COL3A1: variants seen among roughly 807,000 people sequenced by gnomAD.
COL3A1 encodes collagen alpha-1(III) chain.
A neutral mutation model predicts 200.9 loss-of-function variants in COL3A1; 46 were observed. The observed-to-expected ratio is 0.23, with a 90% CI of 0.18 to 0.29. COL3A1 has a LOEUF of 0.29. COL3A1 is among the 10% of genes least tolerant of loss of function. The probability of loss-of-function intolerance (pLI) is 1.00; values close to 1 mark genes in which losing one functional copy is unlikely to be tolerated. For missense variants in COL3A1, 1,367 were observed against 1,917.6 expected (o/e 0.71, Z 5.36); for synonymous variants, 650 against 628.0 (o/e 1.03, Z -0.52).
chr2:188,996,113 T>A lies in COL3A1; in HGVS notation c.1609-12T>A. The stretch of plus-strand genomic sequence containing the variant: ...ATTTTAAATCACCTAACAACTGACT[T>A]CTTTACTTCAGGGCATGCCCGGAAG... On this transcript the variant is annotated splice_polypyrimidine_tract_variant and intron_variant, in intron 22 of 50. Coordinates refer to ENST00000304636, the MANE Select transcript of COL3A1 (RefSeq NM_000090.4). The A allele has an allele frequency of 6.2e-7, 1 of 1,612,992 alleles. No individual in the cohort carries two copies. The highest frequency in any genetic ancestry group is 8.5e-7 in the Non-Finnish European group (1 of 1,179,248).
At position 188,985,035 on chromosome 2, in the gene COL3A1, G is replaced by C. The variant is rs574214165; in HGVS notation, c.282+73G>C. 7 of 1,485,198 alleles carry C rather than the reference G, an allele frequency of 4.7e-6. No individual in the cohort carries two copies. In the East Asian group the frequency reaches 9.3e-5, roughly 20 times the overall value. The allele number at this position is 1,485,198 out of a possible 1,614,324, so 92.0% of individuals were successfully genotyped here. On this transcript the variant is annotated intron_variant, in intron 2 of 50. Coordinates refer to ENST00000304636, the MANE Select transcript of COL3A1 (RefSeq NM_000090.4). ...CATGAATAGCTCCTATATCATAGGA[G>C]CCTAAAAGGGAATGAAAGTCATGTT...
In COL3A1 at chr2:188,985,257, C is replaced by T. The variant is rs1688041513; in HGVS notation, c.333+10C>T. 2.5e-6 allele frequency: 4 copies of T among 1,601,264 alleles called. No homozygotes were observed. The highest frequency in any genetic ancestry group is 2.2e-5 in the East Asian group (1 of 44,784). ...CCCCAAGGGAGATCCAGTAAGTAAA[C>T]ATTCTTCAGTAGAATAAAATTAATA... On this transcript the variant is annotated intron_variant, in intron 3 of 50. Coordinates refer to ENST00000304636, the MANE Select transcript of COL3A1 (RefSeq NM_000090.4).
In COL3A1 at chr2:189,003,987, C is replaced by A. The variant is rs764653946; in HGVS notation, c.2667C>A (p.Asn889Lys). Residue 889 changes from asparagine (N) to lysine (K), a missense_variant, in exon 39 of 51, where the codon AAC becomes AAA. Asn to Lys is a moderately conservative substitution (Grantham distance 94). This residue lies in a region of COL3A1 where 846 missense variants were observed against 1,147.9 expected (regional missense o/e 0.74). Coordinates refer to ENST00000304636, the MANE Select transcript of COL3A1 (RefSeq NM_000090.4). The stretch of plus-strand genomic sequence containing the variant: ...TTTCAAACAATTATTTGTAGGGTAA[C>A]CCAGGACCCCCAGGTCCCAGCGGTT... ...GLPGPPGSNGNPGPPGPSGSP... is the reference protein window; with the variant it reads ...GLPGPPGSNGKPGPPGPSGSP... 3 of 1,610,372 alleles carry A rather than the reference C, an allele frequency of 1.9e-6. No homozygotes were observed. Among genetic ancestry groups the A allele is most frequent in the South Asian group, 1.1e-5 (1 of 90,632 alleles).
At chr2:189,008,530 T>C (rs1688647449) in intron 47 of COL3A1, 1 of 391,400 alleles carries the variant, frequency 2.6e-6, no homozygotes, top group Non-Finnish European at 4.7e-6. Context: ...GATACTATCA[T>C]TCCTAATACT....
Position 189,001,384 on chromosome 2 carries a change from T to G in COL3A1, c.2284-13T>G, listed in dbSNP as rs1688458296. ...GTATCTTCAAAATTAAAAAATATTT[T>G]TATTTCCTCTAGGGTCCTACTGGTC... On this transcript the variant is annotated splice_polypyrimidine_tract_variant and intron_variant, in intron 32 of 50. Coordinates refer to ENST00000304636, the MANE Select transcript of COL3A1 (RefSeq NM_000090.4). The G allele has an allele frequency of 5.6e-6, 9 of 1,612,082 alleles. No homozygotes were observed. The highest frequency in any genetic ancestry group is 7.6e-6 in the Non-Finnish European group (9 of 1,178,510).
chr2:189,008,932 A>G lies in COL3A1; in HGVS notation c.3534A>G (p.Pro1178=). The G allele has an allele frequency of 6.2e-7, 1 of 1,613,912 alleles. No individual in the cohort carries two copies. The highest frequency in any genetic ancestry group is 8.5e-7 in the Non-Finnish European group (1 of 1,179,998). ...TGTTTTACTCATTCTAGGGCTCCCC[A>G]GGCCACCCAGGGCAACCAGGCCCTC... The part of the protein sequence containing the change: ...NRGERGSEGS[P]GHPGQPGPPG... Residue 1178 remains proline (P), a synonymous_variant, in exon 48 of 51, where the codon CCA becomes CCG. Coordinates refer to ENST00000304636, the MANE Select transcript of COL3A1 (RefSeq NM_000090.4).
chr2:189,008,183 A>C, intron 47 of COL3A1, 41 bp downstream of exon 47: 1 of 1,529,702 alleles, frequency 6.5e-7, no homozygotes, highest in Non-Finnish European at 9.0e-7. Context: ...AATTTGCTAC[A>C]ATCTTCCAAT....
At chr2:189,000,737 G>A (rs1299996839) in intron 32 of COL3A1, among the ~76,000 whole-genome samples, 2 of 152,162 alleles carry the variant, frequency 1.3e-5, no homozygotes, top group Non-Finnish European at 2.9e-5. Flanking sequence ...GACGCTGGGA[G>A]AAAAGTGCAC....
At chr2:189,011,442 T>C (rs1243962753) in intron 50 of COL3A1, among the ~76,000 whole-genome samples, 186 bp from the exon 51 acceptor site, 1 of 152,216 alleles carries the variant, frequency 6.6e-6, no homozygotes, top group Non-Finnish European at 1.5e-5. Context: ...AGGCATTTGT[T>C]TAAGAATATT....
At chr2:188,982,064 T>C (rs2153501040) in intron 1 of COL3A1, among the ~76,000 whole-genome samples, 1 of 151,728 alleles carries the variant, frequency 6.6e-6, no homozygotes, top group South Asian at 2.1e-4. Context: ...TTTTTTTTAC[T>C]TAAAACAATA....
At chr2:188,999,965 TTA>T in intron 32 of COL3A1, 70 bp downstream of exon 32, 1 of 1,493,802 alleles carries the variant, frequency 6.7e-7, no homozygotes. Flanking sequence ...CACTTCAACT[TTA>T]ATTTTTTCCA....
Position 188,985,209 on chromosome 2 carries a change from C to T in COL3A1, c.295C>T (p.Pro99Ser), listed in dbSNP as rs1385617008. Residue 99 changes from proline to serine, a missense_variant, in exon 3 of 51, where the codon CCT becomes TCT. By Grantham distance (74) the Pro-to-Ser change is moderately conservative. Transcript: ENST00000304636. ...TTCCATTTATTAGCCTACTCGCCCT[C>T]CTAATGGTCAAGGACCTCAAGGCCC... ...PQPPTAPTRP[P>S]NGQGPQGPKG... 3 of 1,612,402 alleles carry T rather than the reference C, an allele frequency of 1.9e-6. No individual in the cohort carries two copies. Among genetic ancestry groups the T allele is most frequent in the African/African-American group, 1.3e-5 (1 of 74,832 alleles).
rs1333421028 is a variant in COL3A1 at position 188,990,129 on chromosome 2, C to T, written c.724C>T (p.Arg242Ter). 2 of 1,613,514 alleles carry T rather than the reference C, an allele frequency of 1.2e-6. No homozygotes were observed. The stretch of plus-strand genomic sequence containing the variant: ...AGGTAGACCCGGACGACCTGGAGAG[C>T]GAGGATTGCCTGGACCTCCAGTGAG... ...ESGRPGRPGE[R>*]GLPGPPGIKG... The change falls in exon 9 of 51, where the codon CGA becomes TGA. Residue 242 changes from arginine (R) to a stop codon, truncating the protein, a stop_gained. Coordinates refer to ENST00000304636, the MANE Select transcript of COL3A1 (RefSeq NM_000090.4). LOFTEE classifies it high-confidence loss of function.
Position 189,010,211 on chromosome 2 carries a change from A to G in COL3A1, c.3857A>G (p.Lys1286Arg). The G allele has an allele frequency of 1.2e-6, 2 of 1,614,146 alleles. No individual in the cohort carries two copies. The highest frequency in any genetic ancestry group is 2.7e-5 in the African/African-American group (2 of 75,044). Residue 1286 changes from lysine to arginine, a missense_variant, in exon 49 of 51, where the codon AAA (lysine) becomes AGA (arginine). Lys to Arg is a conservative substitution (Grantham distance 26, BLOSUM62 2). This residue lies in a region of COL3A1 where 846 missense variants were observed against 1,147.9 expected (regional missense o/e 0.74). Coordinates refer to ENST00000304636, the MANE Select transcript of COL3A1 (RefSeq NM_000090.4). ...TGGGTTGACCCTAACCAAGGATGCA[A>G]ATTGGATGCTATCAAGGTATTCTGT... ...EYWVDPNQGC[K>R]LDAIKVFCNM...
At chr2:188,985,037 C>A in intron 2 of COL3A1, 75 bp downstream of exon 2, 1 of 1,449,516 alleles carries the variant, frequency 6.9e-7, no homozygotes, top group Non-Finnish European at 9.6e-7. Context: ...TCATAGGAGC[C>A]TAAAAGGGAA....
rs1688691735 is a variant in COL3A1 at position 189,010,260 on chromosome 2, C to T, written c.3906C>T (p.Cys1302=). The T allele has an allele frequency of 1.9e-6, 3 of 1,614,042 alleles. No homozygotes were observed. Among genetic ancestry groups the T allele is most frequent in the South Asian group, 1.1e-5 (1 of 91,090 alleles). ...VFCNMETGET[C]ISANPLNVPR... The stretch of plus-strand genomic sequence containing the variant: ...GTAATATGGAAACTGGGGAAACATG[C>T]ATAAGTGCCAATCCTTTGAATGTTC... Residue 1302 remains cysteine, a synonymous_variant, in exon 49 of 51, where the codon TGC becomes TGT. Coordinates refer to ENST00000304636, the MANE Select transcript of COL3A1 (RefSeq NM_000090.4).
Position 189,001,457 on chromosome 2 carries a change from C to A in COL3A1, c.2337+7C>A, listed in dbSNP as rs1060503874. 2 of 1,614,050 alleles carry A rather than the reference C, an allele frequency of 1.2e-6. No individual in the cohort carries two copies. ...TGGCCAGCCTGGAGATAAGGTAACC[C>A]TTAATACTACCTGGATATAAAAAGA... is the stretch of plus-strand genomic sequence containing the variant. On this transcript the variant is annotated splice_region_variant and intron_variant, in intron 33 of 50. Coordinates refer to ENST00000304636, the MANE Select transcript of COL3A1 (RefSeq NM_000090.4).
In COL3A1 at chr2:188,998,705, C is replaced by G; in HGVS notation, c.2009C>G (p.Ala670Gly). ...GPKGDAGAPG[A>G]PGGKGDAGAP... ...AAGGGTGATGCCGGTGCACCTGGAG[C>G]TCCAGGAGGCAAGGTAGTATTTCAA... Residue 670 changes from alanine to glycine, a missense_variant, in exon 29 of 51, where the codon GCT (alanine) becomes GGT (glycine). By Grantham distance (60) the Ala-to-Gly change is moderately conservative (BLOSUM62 0). Transcript: ENST00000304636. 6.2e-7 allele frequency: 1 copy of G among 1,613,834 alleles called. No individual in the cohort carries two copies. Among genetic ancestry groups the G allele is most frequent in the South Asian group, 1.1e-5 (1 of 91,060 alleles).
At chr2:189,008,744 G>T in intron 47 of COL3A1, 180 bp from the exon 48 acceptor site, 1 of 646,580 alleles carries the variant, frequency 1.5e-6, no homozygotes, top group Non-Finnish European at 2.7e-6. Context: ...ATAATGAATT[G>T]TAGTTATTAT....
Sources: allele counts gnomAD v4.1 joint callset (sites outside exome capture counted in the v4.1 genomes callset), GRCh38; gene constraint gnomAD v4.1.1; regional missense constraint gnomAD v4.1.1; transcripts MANE v1.5; gene names NCBI Gene and HGNC (gene_info 2026-07-23, HGNC 2026-07-21).